The following RWDD4 variants were observed in gnomAD, a reference collection of about 807,000 sequenced individuals.
RWDD4 encodes the protein RWD domain containing 4, also known as RWD domain-containing protein 4.
In RWDD4, 16 loss-of-function variants were observed where a neutral mutation model predicts 30.0. The observed-to-expected ratio is 0.53, with a 90% CI of 0.36 to 0.81. The LOEUF (loss-of-function observed/expected upper bound fraction) is 0.81, where lower values mean the gene tolerates loss of function less well. RWDD4 is among the 30% of genes least tolerant of loss of function. RWDD4 has a pLI of 0.00. For synonymous variants in RWDD4, 45 were observed against 72.1 expected, an observed-to-expected ratio of 0.62 and a Z score of 1.90; for missense variants, 170 against 223.9, an observed-to-expected ratio of 0.76 and a Z score of 1.54.
At chr4:183,645,590 C>CT (rs1270045008) in intron 7 of RWDD4, among the ~76,000 whole-genome samples, 1 of 131,306 alleles carries the variant, frequency 7.6e-6, no homozygotes, top group Non-Finnish European at 1.6e-5. Flanking sequence ...GGCAACATAT[C>CT]TGTCTCTGCA....
Position 183,651,089 on chromosome 4 carries a change from T to C in RWDD4, c.258A>G (p.Glu86=). 1 of 1,614,126 alleles carries C rather than the reference T, an allele frequency of 6.2e-7. No homozygotes were observed. The highest frequency in any genetic ancestry group is 8.5e-7 in the Non-Finnish European group (1 of 1,180,004). Residue 86 remains glutamate (E), a synonymous_variant, in exon 4 of 8, where the codon GAA becomes GAG. Transcript: ENST00000326397. ...VKQSILAKLQ[E]AVEANLGTAM... is the part of the protein sequence containing the mutation. ...CGGTTCCAAGATTAGCTTCTACTGCTTCCTGTAGCTTGGCTAATATACTCT... is the reference window on the plus strand; with the variant it reads ...CGGTTCCAAGATTAGCTTCTACTGCCTCCTGTAGCTTGGCTAATATACTCT...
chr4:183,646,458 T>C (rs1426167902), intron 6 of RWDD4, 30 bp downstream of exon 6: 2 of 1,605,638 alleles, frequency 1.2e-6, no homozygotes, highest in Admixed American at 1.7e-5. Flanking sequence ...TTGTAACAAG[T>C]TTAAAGACTA....
chr4:183,641,298 A>G lies in RWDD4; in HGVS notation c.*138T>C. On this transcript the variant is annotated 3_prime_UTR_variant, in exon 8 of 8. Coordinates refer to ENST00000326397, the MANE Select transcript of RWDD4 (RefSeq NM_152682.4). ...ATCTCTTCATGAACTTTCAACTTACAACCTTTTTAATGTAAGAAACATACA... is the reference window on the plus strand; with the variant it reads ...ATCTCTTCATGAACTTTCAACTTACGACCTTTTTAATGTAAGAAACATACA... 1.4e-6 allele frequency: 1 copy of G among 729,740 alleles called. No individual in the cohort carries two copies. Among genetic ancestry groups the G allele is most frequent in the South Asian group, 1.6e-5 (1 of 64,090 alleles). 45.2% of individuals were successfully genotyped at this position (729,740 alleles called of 1,614,324 possible).
At chr4:183,658,805 C>T (rs1441741240) in intron 1 of RWDD4, 124 bp downstream of exon 1, 2 of 895,530 alleles carry the variant, frequency 2.2e-6, no homozygotes, top group Non-Finnish European at 2.9e-6. Context: ...ACTCGGGGCA[C>T]CCCGGCCGGC....
chr4:183,650,336 A>C (rs771280003), intron 4 of RWDD4, among the ~76,000 whole-genome samples: 3 of 152,116 alleles, frequency 2.0e-5, no homozygotes, highest in Non-Finnish European at 4.4e-5. Flanking sequence ...TCCTGTTGGG[A>C]ATGTGAAAGC....
intron 2 of RWDD4, among the ~76,000 whole-genome samples, chr4:183,651,591 A>G (rs1579129181): frequency 6.6e-6 from 1 of 152,194 alleles, no homozygotes; most frequent in Non-Finnish European, 1.5e-5. Flanking sequence ...CAGCTTTTCT[A>G]GTACCACGCC....
intron 5 of RWDD4, among the ~76,000 whole-genome samples, chr4:183,648,871 A>C (rs574587431): frequency 1.3e-5 from 2 of 150,300 alleles, no homozygotes; most frequent in African/African-American, 4.9e-5. Flanking sequence ...TTTGAGACAG[A>C]GTTTTGCTGT....
intron 1 of RWDD4, among the ~76,000 whole-genome samples, chr4:183,656,735 G>A (rs982566984): frequency 7.9e-5 from 12 of 152,114 alleles, no homozygotes; most frequent in Non-Finnish European, 1.5e-5. Context: ...TTTTAGAATA[G>A]AAATTATTGG....
intron 1 of RWDD4, 97 bp downstream of exon 1, chr4:183,658,832 A>AGG: frequency 9.2e-7 from 1 of 1,091,222 alleles, no homozygotes; most frequent in South Asian, 4.6e-5. Context: ...GGCACAGGGC[A>AGG]CGTGCCGGGC....
rs1199610143 is a variant in RWDD4, at chr4:183,659,114, C to G, written c.-162G>C. The G allele has an allele frequency of 6.1e-6, 3 of 495,662 alleles. No homozygotes were observed. Among genetic ancestry groups the G allele is most frequent in the Admixed American group, 4.4e-5 (1 of 22,646 alleles). 30.7% of individuals were successfully genotyped at this position (495,662 alleles called of 1,614,324 possible). A position where few individuals can be genotyped will look rare whatever the true frequency, so the allele number is the denominator to read the frequency against. ...CGCCAACTGCGCGCGCCCCGAGCCT[C>G]GGCAGCGCCCAGCCGCCGGCAGTGG... On this transcript the variant is annotated 5_prime_UTR_variant, in exon 1 of 8. Coordinates refer to ENST00000326397, the MANE Select transcript of RWDD4 (RefSeq NM_152682.4).
chr4:183,650,890 C>T (rs1332016595), intron 4 of RWDD4, 94 bp downstream of exon 4: 89 of 1,277,728 alleles, frequency 7.0e-5, no homozygotes, highest in Admixed American at 5.8e-4. Context: ...AGTCTTCTTC[C>T]GATTTTGAAT....
At chr4:183,656,435 A>C (rs2111253850) in intron 1 of RWDD4, among the ~76,000 whole-genome samples, 1 of 152,372 alleles carries the variant, frequency 6.6e-6, no homozygotes, top group South Asian at 2.1e-4. Flanking sequence ...AAGCTCTAAA[A>C]AACACCTAAG....
intron 5 of RWDD4, among the ~76,000 whole-genome samples, chr4:183,647,407 T>A (rs567293985): frequency 1.7e-4 from 26 of 152,342 alleles, no homozygotes; most frequent in African/African-American, 6.0e-4. Context: ...TTCTTTTCTC[T>A]TTCATGCCAA....
intron 7 of RWDD4, among the ~76,000 whole-genome samples, chr4:183,644,608 A>C (rs1357748329): frequency 6.6e-6 from 1 of 152,010 alleles, no homozygotes; most frequent in Non-Finnish European, 1.5e-5. Flanking sequence ...GCGAAAGCCC[A>C]TCTCTATTAA....
At chr4:183,655,689 T>A (rs113798114) in intron 2 of RWDD4, among the ~76,000 whole-genome samples, 192 bp downstream of exon 2, 234 of 152,350 alleles carry the variant, frequency 1.5e-3, no homozygotes, top group African/African-American at 5.4e-3. Flanking sequence ...TTTATCTTGG[T>A]TTTTTAAGCT....
rs557818642 is a variant in RWDD4 at position 183,651,590 on chromosome 4, T to C, written c.106-263A>G. Among the ~76,000 whole-genome samples the C allele has an allele frequency of 3.9e-5, 6 of 152,316 alleles. No homozygotes were observed. In the South Asian group the frequency reaches 8.3e-4, roughly 21 times the overall value. ...TCCCTAACCAGCCTACCAGCTTTTCTAGTACCACGCCTACATCTTAGGTAT... is the reference window on the plus strand; with the variant it reads ...TCCCTAACCAGCCTACCAGCTTTTCCAGTACCACGCCTACATCTTAGGTAT... On this transcript the variant is annotated intron_variant, in intron 2 of 7. Transcript: ENST00000326397.
intron 2 of RWDD4, among the ~76,000 whole-genome samples, chr4:183,652,361 C>CTTTTTTTTTT (rs59841926): frequency 3.2e-5 from 4 of 123,288 alleles, no homozygotes; most frequent in African/African-American, 9.6e-5. Flanking sequence ...TCTCCCCTGG[C>CTTTTTTTTTT]TTTTTTTTTT....
chr4:183,651,550 T>C (rs996269762), intron 2 of RWDD4, among the ~76,000 whole-genome samples: 3 of 152,198 alleles, frequency 2.0e-5, no homozygotes, highest in Non-Finnish European at 4.4e-5. Context: ...AGGTTCAGTT[T>C]ATGCCCATGT....
chr4:183,654,128 G>A (rs552721729), intron 2 of RWDD4, among the ~76,000 whole-genome samples: 17 of 152,202 alleles, frequency 1.1e-4, no homozygotes, highest in Non-Finnish European at 2.2e-4. Context: ...AAAAATACAC[G>A]GGGGGAAATG....
Sources: gnomAD v4.1 joint callset for allele counts (sites outside exome capture counted in the v4.1 genomes callset) on GRCh38, gnomAD v4.1.1 for gene constraint, MANE v1.5 for transcripts, NCBI Gene and HGNC (gene_info 2026-07-23, HGNC 2026-07-21) for gene names.